ABCB5: variants seen among roughly 807,000 people sequenced by gnomAD.
The protein encoded by ABCB5 is ATP binding cassette subfamily B member 5, also known as ATP-binding cassette sub-family B member 5.
Under a neutral mutation model 144.2 loss-of-function variants are expected in ABCB5, and 155 were observed. The observed-to-expected ratio is 1.08, with a 90% CI of 0.94 to 1.23. The LOEUF (loss-of-function observed/expected upper bound fraction) is 1.23. Among genes scored for constraint, ABCB5 ranks in the 50% most tolerant of loss-of-function variants. The pLI is 0.00. For missense variants in ABCB5, 1,830 were observed against 1,520.8 expected, an observed-to-expected ratio of 1.20 and a Z score of -3.38; for synonymous variants, 610 against 528.6, an observed-to-expected ratio of 1.15 and a Z score of -2.11.
chr7:20,747,855 T>C (rs745922616), intron 26 of ABCB5, among the ~76,000 whole-genome samples: 2 of 152,154 alleles, frequency 1.3e-5, no homozygotes, highest in Non-Finnish European at 2.9e-5. Context: ...AGATAATTCC[T>C]AGAAAAGCTG....
At chr7:20,729,304 A>T (rs28542123) in intron 23 of ABCB5, among the ~76,000 whole-genome samples, 13,593 of 152,248 alleles carry the variant, frequency 0.089, 1,672 homozygotes, top group African/African-American at 0.28. Context: ...CTTGTCATTC[A>T]TCCCTTAGGA....
intron 5 of ABCB5, 128 bp downstream of exon 5, chr7:20,632,241 T>A: frequency 1.7e-6 from 1 of 577,996 alleles, no homozygotes. Context: ...AGCAAACATT[T>A]CCTCTTCTTT....
intron 24 of ABCB5, among the ~76,000 whole-genome samples, chr7:20,741,160 C>T (rs1456574608): frequency 6.6e-6 from 1 of 150,412 alleles, no homozygotes; most frequent in East Asian, 1.9e-4. Context: ...TATTGAAATT[C>T]CAGCTGGGTG....
At chr7:20,666,170 CA>C (rs60445898) in intron 14 of ABCB5, among the ~76,000 whole-genome samples, 467 of 115,796 alleles carry the variant, frequency 4.0e-3, no homozygotes, top group East Asian at 9.3e-3. Flanking sequence ...AACTCTGTCT[CA>C]AAAAAAAAAA....
intron 16 of ABCB5, among the ~76,000 whole-genome samples, chr7:20,686,109 A>G (rs1043219508): frequency 7.2e-5 from 11 of 152,182 alleles, no homozygotes; most frequent in Non-Finnish European, 1.5e-4. Context: ...AGCAAACCAT[A>G]GGTTAAAACA....
At chr7:20,649,935 G>A in intron 11 of ABCB5, 87 bp from the exon 12 acceptor site, 1 of 1,412,074 alleles carries the variant, frequency 7.1e-7, no homozygotes, top group South Asian at 1.4e-5. Context: ...ATTTGTTTTT[G>A]GTTATAATTA....
chr7:20,628,570 A>T, intron 3 of ABCB5, 118 bp from the exon 4 acceptor site: 1 of 944,520 alleles, frequency 1.1e-6, no homozygotes, highest in Non-Finnish European at 1.5e-6. Flanking sequence ...TACCATCTTA[A>T]TGTATAAAGT....
chr7:20,627,111 A>T (rs1027443117), intron 3 of ABCB5, among the ~76,000 whole-genome samples: 1 of 152,200 alleles, frequency 6.6e-6, no homozygotes, highest in African/African-American at 2.4e-5. Flanking sequence ...CTTCTTTGAA[A>T]TCATGTTTAA....
rs546871266 is a variant in ABCB5, at chr7:20,681,280, C to T, written c.1708-225C>T. 2.6e-5 allele frequency among the ~76,000 whole-genome samples: 4 copies of T among 151,984 alleles called. No individual in the cohort carries two copies. In the South Asian group the frequency reaches 8.3e-4, roughly 32 times the overall value. ...TAGCTAGGATTCCAGGTGCCCGCAA[C>T]CAAGCCTGGCTAATTCTTGTATTTT... On this transcript the variant is annotated intron_variant, in intron 14 of 27. Transcript: ENST00000404938.
intron 13 of ABCB5, among the ~76,000 whole-genome samples, chr7:20,656,719 A>G (rs1277235500): frequency 6.6e-6 from 1 of 152,166 alleles, no homozygotes; most frequent in Non-Finnish European, 1.5e-5. Context: ...AATGTTAAAC[A>G]TACACTTATG....
Position 20,628,645 on chromosome 7 carries a change from T to C in ABCB5, c.109-43T>C, listed in dbSNP as rs143242312. 9.5e-5 allele frequency: 151 copies of C among 1,587,560 alleles called. No individual in the cohort carries two copies. The African/African-American group carries it at 1.6e-3, about 17-fold the overall frequency. ...TGTGTGTGTGTGCTTGGTGTGTTTG[T>C]TTGTTTTACAGTTGTGGTGCTACCG... On this transcript the variant is annotated intron_variant, in intron 3 of 27. Transcript: ENST00000404938.
chr7:20,733,460 G>A (rs1782285315), intron 23 of ABCB5, among the ~76,000 whole-genome samples: 1 of 151,836 alleles, frequency 6.6e-6, no homozygotes, highest in African/African-American at 2.4e-5. Flanking sequence ...TTAAAAGGGG[G>A]TCTCTTCTAG....
At chr7:20,629,727 A>T (rs756570273) in intron 4 of ABCB5, among the ~76,000 whole-genome samples, 13 of 152,208 alleles carry the variant, frequency 8.5e-5, no homozygotes, top group Non-Finnish European at 1.6e-4. Flanking sequence ...GCACCATTGC[A>T]CTCCAGCCTG....
chr7:20,723,020 C>T lies in ABCB5; in HGVS notation c.2426C>T (p.Thr809Ile), dbSNP rs764833983. 8.1e-6 allele frequency: 13 copies of T among 1,613,838 alleles called. No individual in the cohort carries two copies. Among genetic ancestry groups the T allele is most frequent in the Non-Finnish European group, 1.0e-5 (12 of 1,179,964 alleles). The change falls in exon 21 of 28, where the codon ACA becomes ATA. Residue 809 changes from threonine to isoleucine, a missense_variant. Physicochemically the swap from Thr to Ile is moderately conservative, Grantham distance 89 (BLOSUM62 -1). Transcript: ENST00000404938. ...CCAAAATATGTCTGATTATAGGCAA[C>T]AGGTTCCAGGATTGGCGTCTTAACA... ...AIDIAQIQGA[T>I]GSRIGVLTQN...
At chr7:20,711,778 C>CCCTTTCTT (rs1787047186) in intron 20 of ABCB5, among the ~76,000 whole-genome samples, 2 of 47,110 alleles carry the variant, frequency 4.2e-5, no homozygotes, top group African/African-American at 1.2e-4. Flanking sequence ...TTCCTTCTTT[C>CCCTTTCTT]TCTTTCTTTC....
chr7:20,755,179 C>A (rs892037256), intron 27 of ABCB5, among the ~76,000 whole-genome samples: 1 of 152,186 alleles, frequency 6.6e-6, no homozygotes, highest in African/African-American at 2.4e-5. Context: ...GAACTCCTGA[C>A]CTCAGGTGAT....
At chr7:20,638,356 T>C (rs1784210351) in intron 5 of ABCB5, among the ~76,000 whole-genome samples, 1 of 151,602 alleles carries the variant, frequency 6.6e-6, no homozygotes, top group African/African-American at 2.4e-5. Context: ...TTATTTTTAA[T>C]ATCTTTGTTG....
chr7:20,730,965 T>C (rs1455544436), intron 23 of ABCB5, among the ~76,000 whole-genome samples: 1 of 152,322 alleles, frequency 6.6e-6, no homozygotes, highest in East Asian at 1.9e-4. Flanking sequence ...TGTACGAGGT[T>C]TGATGATTTT....
intron 14 of ABCB5, among the ~76,000 whole-genome samples, chr7:20,673,406 T>C (rs980546925): frequency 2.0e-5 from 3 of 152,102 alleles, no homozygotes; most frequent in African/African-American, 7.2e-5. Context: ...ATTCTTGTAA[T>C]TGTACATATT....
Sources: gnomAD v4.1 joint callset for allele counts (sites outside exome capture counted in the v4.1 genomes callset) on GRCh38, gnomAD v4.1.1 for gene constraint, MANE v1.5 for transcripts, NCBI Gene and HGNC (gene_info 2026-07-23, HGNC 2026-07-21) for gene names.